The following RAB3C variants were observed in gnomAD, a reference collection of about 807,000 sequenced individuals.
The protein encoded by RAB3C is ras-related protein Rab-3C.
Under a neutral mutation model 26.4 loss-of-function variants are expected in RAB3C, and 17 were observed. The observed-to-expected ratio is 0.64, with a 90% confidence interval of 0.44 to 0.97. The LOEUF (loss-of-function observed/expected upper bound fraction) is 0.97, where lower values mean the gene tolerates loss of function less well. RAB3C is among the 50% of genes least tolerant of loss of function. RAB3C has a pLI of 0.00. For synonymous variants in RAB3C, 91 were observed against 95.9 expected (o/e 0.95, Z 0.30); for missense variants, 242 against 281.9 (o/e 0.86, Z 1.01).
chr5:58,844,214 C>T (rs542546869), intron 4 of RAB3C, among the ~76,000 whole-genome samples: 33 of 152,190 alleles, frequency 2.2e-4, no homozygotes, highest in Non-Finnish European at 3.5e-4. Context: ...AACCTTTGTA[C>T]ATCCCTAATG....
intron 2 of RAB3C, among the ~76,000 whole-genome samples, chr5:58,657,976 G>T (rs1747818468): frequency 1.3e-5 from 2 of 152,090 alleles, no homozygotes; most frequent in African/African-American, 2.4e-5. Flanking sequence ...ATAAAAATTA[G>T]CTACGTTTTT....
chr5:58,674,149 A>G (rs1748177893), intron 2 of RAB3C, among the ~76,000 whole-genome samples: 1 of 152,144 alleles, frequency 6.6e-6, no homozygotes, highest in Non-Finnish European at 1.5e-5. Context: ...TAGAAATGGT[A>G]TATTGAGATC....
At chr5:58,739,137 C>G (rs559071183) in intron 3 of RAB3C, among the ~76,000 whole-genome samples, 1 of 152,314 alleles carries the variant, frequency 6.6e-6, no homozygotes, top group African/African-American at 2.4e-5. Flanking sequence ...TTGAACCTTA[C>G]AGTTATTTTC....
chr5:58,689,605 A>G (rs965519478), intron 2 of RAB3C, among the ~76,000 whole-genome samples: 4 of 152,146 alleles, frequency 2.6e-5, no homozygotes, highest in African/African-American at 9.6e-5. Flanking sequence ...CAGTGTTGCC[A>G]TGCCTGATGG....
chr5:58,621,591 TTTGAGAAGGAGTCTCACCCTC>T (rs1399950379), intron 2 of RAB3C, among the ~76,000 whole-genome samples: 8 of 152,350 alleles, frequency 5.3e-5, no homozygotes, highest in Admixed American at 5.2e-4. Context: ...TTTTTATTTT[TTTGAGAAGGAGTCTCACCCTC>T]TTGCCCAGCC....
At position 58,858,386 on chromosome 5, in the gene RAB3C, G is replaced by C. The variant is rs1475323826; in HGVS notation, c.*7035G>C. 1 of 152,154 alleles carries C rather than the reference G, an allele frequency of 6.6e-6. No homozygotes were observed. The highest frequency in any genetic ancestry group is 1.5e-5 in the Non-Finnish European group (1 of 68,026). 9.4% of individuals were successfully genotyped at this position (152,154 alleles called of 1,614,324 possible). A position where few individuals can be genotyped will look rare whatever the true frequency, so the allele number is the denominator to read the frequency against. On this transcript the variant is annotated 3_prime_UTR_variant, in exon 5 of 5. Coordinates refer to ENST00000282878, the MANE Select transcript of RAB3C (RefSeq NM_138453.4). ...AATTTAAGGGTGTGGTTGAATTTTA[G>C]TTAGTTGTCACATAGTTATTGAACC...
At chr5:58,724,730 A>T (rs1189188793) in intron 2 of RAB3C, among the ~76,000 whole-genome samples, 1 of 151,812 alleles carries the variant, frequency 6.6e-6, no homozygotes, top group African/African-American at 2.4e-5. Flanking sequence ...TATAAAAATC[A>T]TTAGGACATA....
intron 3 of RAB3C, among the ~76,000 whole-genome samples, chr5:58,747,709 G>GTC (rs553806594): frequency 2.0e-5 from 3 of 151,124 alleles, no homozygotes; most frequent in South Asian, 2.1e-4. Flanking sequence ...TATTCTTTCT[G>GTC]TCTCTCTCTC....
At chr5:58,694,678 T>A (rs925887868) in intron 2 of RAB3C, among the ~76,000 whole-genome samples, 28 of 152,360 alleles carry the variant, frequency 1.8e-4, no homozygotes, top group African/African-American at 6.7e-4. Flanking sequence ...ATTTTTCTGA[T>A]GACCAGTGAT....
At chr5:58,747,893 C>G (rs1741433497) in intron 3 of RAB3C, among the ~76,000 whole-genome samples, 1 of 151,956 alleles carries the variant, frequency 6.6e-6, no homozygotes, top group African/African-American at 2.4e-5. Flanking sequence ...TGCCCAATCC[C>G]CTTCCTTATT....
intron 3 of RAB3C, among the ~76,000 whole-genome samples, chr5:58,801,319 G>A (rs1257371254): frequency 6.6e-6 from 1 of 152,200 alleles, no homozygotes; most frequent in Non-Finnish European, 1.5e-5. Flanking sequence ...ATGAGGAAAT[G>A]ACAACATGCA....
intron 4 of RAB3C, among the ~76,000 whole-genome samples, chr5:58,827,505 AG>A (rs1277802319): frequency 6.6e-6 from 1 of 152,236 alleles, no homozygotes; most frequent in Non-Finnish European, 1.5e-5. Flanking sequence ...GGTTGTGAAA[AG>A]GGATGTTAGG....
chr5:58,717,023 G>A (rs908022222), intron 2 of RAB3C, among the ~76,000 whole-genome samples: 1 of 152,054 alleles, frequency 6.6e-6, no homozygotes, highest in African/African-American at 2.4e-5. Flanking sequence ...CCACTCGGGT[G>A]GGGGATGTTG....
At chr5:58,671,921 C>A (rs569403771) in intron 2 of RAB3C, among the ~76,000 whole-genome samples, 1 of 152,054 alleles carries the variant, frequency 6.6e-6, no homozygotes, top group Admixed American at 6.5e-5. Context: ...TAAACAATGA[C>A]ATGATACATA....
intron 3 of RAB3C, among the ~76,000 whole-genome samples, chr5:58,750,922 T>C (rs1245474545): frequency 1.3e-5 from 2 of 152,112 alleles, no homozygotes; most frequent in South Asian, 2.1e-4. Flanking sequence ...TGGCGTGATC[T>C]TGGGTCTCTG....
chr5:58,597,079 A>ATATATAATACATTATATATTATATAAT (rs1561260515), intron 1 of RAB3C, among the ~76,000 whole-genome samples: 1 of 6,564 alleles, frequency 1.5e-4, no homozygotes, highest in Non-Finnish European at 2.1e-4. Context: ...ATTATATAAT[A>ATATATAATACATTATATATTATATAAT]ATATATAATA....
At chr5:58,804,941 C>G (rs904406715) in intron 3 of RAB3C, among the ~76,000 whole-genome samples, 29 of 150,088 alleles carry the variant, frequency 1.9e-4, no homozygotes, top group African/African-American at 7.1e-4. Context: ...CTGAATGTTC[C>G]ATGTTGTTTG....
intron 2 of RAB3C, among the ~76,000 whole-genome samples, chr5:58,646,052 T>C (rs1334504102): frequency 6.6e-6 from 1 of 152,164 alleles, no homozygotes; most frequent in Non-Finnish European, 1.5e-5. Context: ...TATTGACCCT[T>C]GGTTAAAAGT....
chr5:58,840,043 A>G (rs943449162), intron 4 of RAB3C, among the ~76,000 whole-genome samples: 1 of 151,828 alleles, frequency 6.6e-6, no homozygotes, highest in Admixed American at 6.6e-5. Context: ...TCTGTCTGCT[A>G]TGATTTTATT....
Sources: gnomAD v4.1 joint callset for allele counts (sites outside exome capture counted in the v4.1 genomes callset) on GRCh38, gnomAD v4.1.1 for gene constraint, MANE v1.5 for transcripts, NCBI Gene and HGNC (gene_info 2026-07-23, HGNC 2026-07-21) for gene names.